RIMS2: variants seen among roughly 807,000 people sequenced by gnomAD.
RIMS2 encodes the protein regulating synaptic membrane exocytosis protein 2.
RIMS2 carries 59 observed loss-of-function variants against 174.4 expected under a neutral mutation model. The observed-to-expected ratio is 0.34, with a 90% confidence interval of 0.27 to 0.42. The LOEUF (loss-of-function observed/expected upper bound fraction) is 0.42. Among genes scored for constraint, RIMS2 ranks in the 10% least tolerant of loss-of-function variants. The probability of loss-of-function intolerance (pLI) is 1.00; values close to 1 mark genes in which losing one functional copy is unlikely to be tolerated. For missense variants in RIMS2, 1,620 were observed against 1,666.3 expected (o/e 0.97, Z 0.48); for synonymous variants, 606 against 572.5 (o/e 1.06, Z -0.84).
At chr8:104,152,759 G>T (rs1000760305) in intron 19 of RIMS2, among the ~76,000 whole-genome samples, 1 of 151,892 alleles carries the variant, frequency 6.6e-6, no homozygotes, top group South Asian at 2.1e-4. Context: ...GAAATTCTTT[G>T]TGTGTTTTCA....
intron 19 of RIMS2, among the ~76,000 whole-genome samples, chr8:104,227,449 A>G (rs2099195465): frequency 6.6e-6 from 1 of 152,116 alleles, no homozygotes; most frequent in Non-Finnish European, 1.5e-5. Flanking sequence ...GGATATTACT[A>G]TGTGTAGAGT....
chr8:104,006,975 G>T (rs2095608141), intron 17 of RIMS2, among the ~76,000 whole-genome samples: 1 of 151,922 alleles, frequency 6.6e-6, no homozygotes, highest in Non-Finnish European at 1.5e-5. Flanking sequence ...TGCTATCAAA[G>T]AAAACACAGT....
chr8:104,108,303 T>C (rs961096828), intron 19 of RIMS2, among the ~76,000 whole-genome samples: 1 of 152,110 alleles, frequency 6.6e-6, no homozygotes, highest in African/African-American at 2.4e-5. Flanking sequence ...CACTGCATGA[T>C]CATATCTCAC....
intron 2 of RIMS2, among the ~76,000 whole-genome samples, chr8:103,706,129 A>G (rs1284829823): frequency 6.6e-6 from 1 of 152,100 alleles, no homozygotes; most frequent in East Asian, 1.9e-4. Context: ...ATAGTTATAG[A>G]AAGTTATTTT....
At chr8:103,899,321 A>G (rs1178495630) in intron 4 of RIMS2, among the ~76,000 whole-genome samples, 1 of 151,754 alleles carries the variant, frequency 6.6e-6, no homozygotes. Flanking sequence ...TGGTTGAACT[A>G]GTTTACAGTC....
chr8:103,791,258 G>A (rs2098496316), intron 3 of RIMS2, among the ~76,000 whole-genome samples: 1 of 152,120 alleles, frequency 6.6e-6, no homozygotes, highest in South Asian at 2.1e-4. Context: ...GAGAATAGGG[G>A]CCAATATTCA....
intron 3 of RIMS2, among the ~76,000 whole-genome samples, chr8:103,844,676 C>T (rs1015329820): frequency 1.1e-4 from 17 of 152,184 alleles, no homozygotes; most frequent in Non-Finnish European, 2.4e-4. Context: ...TTCCTAAAAA[C>T]GGTAAACCTG....
chr8:104,109,071 A>ATCC (rs1566456515), intron 19 of RIMS2, among the ~76,000 whole-genome samples: 4 of 151,688 alleles, frequency 2.6e-5, no homozygotes, highest in Non-Finnish European at 4.4e-5. Context: ...GCCGAGGCGG[A>ATCC]CAGATCAATA....
chr8:103,942,827 C>T, exon 14 of RIMS2: 4 of 1,612,724 alleles, frequency 2.5e-6, no homozygotes, highest in Non-Finnish European at 3.4e-6. Context: ...TTGGTACAAA[C>T]TTCAGACGCA....
intron 1 of RIMS2, among the ~76,000 whole-genome samples, chr8:103,623,743 C>T (rs1225887532): frequency 6.6e-6 from 1 of 151,806 alleles, no homozygotes; most frequent in Non-Finnish European, 1.5e-5. Context: ...CCCGCTTCGG[C>T]CTCCCAAAGT....
chr8:103,878,313 C>T (rs1022979477), intron 3 of RIMS2, among the ~76,000 whole-genome samples: 1 of 151,808 alleles, frequency 6.6e-6, no homozygotes. Flanking sequence ...TGAGAACAGA[C>T]TAAAGCAACC....
At chr8:104,006,626 T>C (rs1189076482) in intron 17 of RIMS2, among the ~76,000 whole-genome samples, 2 of 138,204 alleles carry the variant, frequency 1.4e-5, no homozygotes, top group Non-Finnish European at 3.1e-5. Context: ...AGTGATCTAT[T>C]TCTCTCTCTC....
At chr8:103,539,907 G>T (rs1478710803) in intron 1 of RIMS2, among the ~76,000 whole-genome samples, 2 of 152,204 alleles carry the variant, frequency 1.3e-5, no homozygotes, top group African/African-American at 4.8e-5. Context: ...ACTGGGCCTT[G>T]GAGCCAAGCT....
chr8:103,792,856 C>A (rs1178710904), intron 3 of RIMS2, among the ~76,000 whole-genome samples: 3 of 152,128 alleles, frequency 2.0e-5, no homozygotes, highest in Non-Finnish European at 4.4e-5. Flanking sequence ...TTCCTGGACA[C>A]ATACACCTTC....
chr8:103,751,177 AT>A (rs1243819440), intron 2 of RIMS2, among the ~76,000 whole-genome samples: 1 of 152,134 alleles, frequency 6.6e-6, no homozygotes, highest in African/African-American at 2.4e-5. Context: ...GTTCCCACGC[AT>A]GAGTGAGAAC....
intron 1 of RIMS2, among the ~76,000 whole-genome samples, chr8:103,566,235 C>T (rs184385088): frequency 2.4e-4 from 36 of 152,220 alleles, no homozygotes; most frequent in Non-Finnish European, 4.4e-4. Flanking sequence ...TGGCTCCTCC[C>T]CCTTCCCCAT....
chr8:104,083,838 AT>A (rs1253359943), intron 19 of RIMS2, among the ~76,000 whole-genome samples: 2 of 152,158 alleles, frequency 1.3e-5, no homozygotes, highest in Non-Finnish European at 2.9e-5. Flanking sequence ...TTCAGATGAC[AT>A]GAGTTTGAGC....
chr8:103,542,618 C>A (rs1843045497), intron 1 of RIMS2, among the ~76,000 whole-genome samples: 2 of 152,114 alleles, frequency 1.3e-5, no homozygotes, highest in South Asian at 4.1e-4. Flanking sequence ...ATGCAGAAAT[C>A]CTCAATGAAA....
At chr8:104,243,936 G>T (rs2099316867) in intron 19 of RIMS2, among the ~76,000 whole-genome samples, 1 of 152,050 alleles carries the variant, frequency 6.6e-6, no homozygotes. Context: ...CTTTACATGT[G>T]CTTGGTCATT....
Sources: allele counts gnomAD v4.1 joint callset (sites outside exome capture counted in the v4.1 genomes callset), GRCh38; gene constraint gnomAD v4.1.1; transcripts MANE v1.5; gene names NCBI Gene and HGNC (gene_info 2026-07-23, HGNC 2026-07-21).